RBFOX1: variants seen among roughly 807,000 people sequenced by gnomAD.
RBFOX1 encodes the protein RNA binding fox-1 homolog 1.
Under a neutral mutation model 57.7 loss-of-function variants are expected in RBFOX1, and 8 were observed. The ratio of observed to expected loss-of-function variants is 0.14; its 90% CI spans 0.08 to 0.25. The LOEUF (loss-of-function observed/expected upper bound fraction) is 0.25. RBFOX1 is among the 10% of genes least tolerant of loss of function. The pLI is 1.00. For synonymous variants in RBFOX1, 326 were observed against 222.4 expected (o/e 1.47, Z -4.15); for missense variants, 611 against 548.5 (o/e 1.11, Z -1.14).
intron 5 of RBFOX1, among the ~76,000 whole-genome samples, chr16:7,535,041 G>T (rs2081148690): frequency 6.6e-6 from 1 of 152,092 alleles, no homozygotes; most frequent in African/African-American, 2.4e-5. Context: ...TTATTATTCT[G>T]AGTATAATAG....
chr16:7,624,728 C>T (rs1401775063), intron 10 of RBFOX1, among the ~76,000 whole-genome samples: 1 of 152,172 alleles, frequency 6.6e-6, no homozygotes, highest in Non-Finnish European at 1.5e-5. Context: ...CCTGAGTAAG[C>T]TCCTTTCCTC....
At chr16:7,681,712 T>C (rs188000833) in intron 14 of RBFOX1, among the ~76,000 whole-genome samples, 53 of 152,226 alleles carry the variant, frequency 3.5e-4, no homozygotes, top group African/African-American at 1.1e-3. Context: ...ATGGACATTA[T>C]GTTTTCATTT....
Position 6,599,577 on chromosome 16 carries a change from C to A in RBFOX1, c.-63-55026C>A, listed in dbSNP as rs571408767. Among the ~76,000 whole-genome samples, 5 of 152,256 alleles carry A rather than the reference C, an allele frequency of 3.3e-5. No homozygotes were observed. The South Asian group carries it at 6.2e-4, about 19-fold the overall frequency. On this transcript the variant is annotated intron_variant, in intron 2 of 15. Transcript: ENST00000550418. Reference sequence around the variant, plus strand: ...GTAACAAAACTCCTACCATTTCTTACTTGCAAAAACTTGATTTTCCCCCGT... The same window carrying A: ...GTAACAAAACTCCTACCATTTCTTAATTGCAAAAACTTGATTTTCCCCCGT...
intron 4 of RBFOX1, among the ~76,000 whole-genome samples, chr16:7,280,661 A>G (rs547820436): frequency 3.9e-5 from 6 of 152,312 alleles, no homozygotes; most frequent in Admixed American, 2.0e-4. Flanking sequence ...CTGGCATCCT[A>G]GAACATATTT....
intron 2 of RBFOX1, among the ~76,000 whole-genome samples, chr16:6,631,941 G>T (rs1174005580): frequency 4.6e-5 from 7 of 152,208 alleles, no homozygotes; most frequent in Non-Finnish European, 1.5e-5. Flanking sequence ...GTAGCGAAAT[G>T]GGCAAAGAGC....
chr16:6,770,881 T>G (rs1029603057), intron 3 of RBFOX1, among the ~76,000 whole-genome samples: 13 of 152,178 alleles, frequency 8.5e-5, no homozygotes, highest in Non-Finnish European at 1.5e-4. Flanking sequence ...GCAACACAGT[T>G]GTCAGTGACA....
chr16:5,331,414 A>C (rs868241), intron 1 of RBFOX1, among the ~76,000 whole-genome samples: 2 of 152,160 alleles, frequency 1.3e-5, no homozygotes, highest in Admixed American at 6.5e-5. Flanking sequence ...AGACTCATTC[A>C]TGTGTCTGGA....
rs572430216 is a variant in RBFOX1, at chr16:5,589,590, G to A, written c.259-9312G>A. Among the ~76,000 whole-genome samples the A allele has an allele frequency of 1.4e-4, 21 of 152,306 alleles. No individual in the cohort carries two copies. In the South Asian group the frequency reaches 3.9e-3, roughly 29 times the overall value. Reference sequence around the variant, plus strand: ...CTGTTTAACCCTCACACTATTCTACGTGTTGATGAAGGATCACTACATGAA... The same window carrying A: ...CTGTTTAACCCTCACACTATTCTACATGTTGATGAAGGATCACTACATGAA... On this transcript the variant is annotated intron_variant, in intron 2 of 2. Transcript: ENST00000585867.
chr16:7,650,553 C>T (rs932737901), intron 11 of RBFOX1, among the ~76,000 whole-genome samples: 6 of 150,314 alleles, frequency 4.0e-5, no homozygotes, highest in Non-Finnish European at 8.9e-5. Context: ...ACGCTCTTAA[C>T]AGCACGTGCT....
intron 3 of RBFOX1, among the ~76,000 whole-genome samples, chr16:7,040,333 C>G (rs994199967): frequency 3.9e-5 from 6 of 152,066 alleles, no homozygotes; most frequent in Admixed American, 3.9e-4. Context: ...TATTTTATAG[C>G]CACCATTAAT....
chr16:6,269,263 A>G (rs2074922879), intron 1 of RBFOX1, among the ~76,000 whole-genome samples: 1 of 152,088 alleles, frequency 6.6e-6, no homozygotes, highest in South Asian at 2.1e-4. Context: ...TTTAATTTGT[A>G]TTATTTTTAT....
chr16:6,561,155 A>G (rs1191720781), intron 2 of RBFOX1, among the ~76,000 whole-genome samples: 1 of 152,160 alleles, frequency 6.6e-6, no homozygotes, highest in African/African-American at 2.4e-5. Context: ...ACTAGTCTGG[A>G]AGGCTTCCCT....
At chr16:5,697,987 T>C (rs1350858774) in intron 3 of RBFOX1, among the ~76,000 whole-genome samples, 1 of 152,206 alleles carries the variant, frequency 6.6e-6, no homozygotes, top group Non-Finnish European at 1.5e-5. Flanking sequence ...TCTTCATAAA[T>C]TGTTGTTATA....
At chr16:6,311,513 C>T (rs913169942) in intron 1 of RBFOX1, among the ~76,000 whole-genome samples, 1 of 152,122 alleles carries the variant, frequency 6.6e-6, no homozygotes, top group Non-Finnish European at 1.5e-5. Flanking sequence ...ATGCTGTCCT[C>T]ACTGTGTGAA....
chr16:7,246,968 A>G (rs2094327310), intron 4 of RBFOX1, among the ~76,000 whole-genome samples: 1 of 152,098 alleles, frequency 6.6e-6, no homozygotes, highest in African/African-American at 2.4e-5. Flanking sequence ...ACATTAGGAT[A>G]CCCTATGTAT....
intron 1 of RBFOX1, among the ~76,000 whole-genome samples, chr16:6,213,648 A>G (rs1034120219): frequency 6.6e-6 from 1 of 152,174 alleles, no homozygotes; most frequent in Admixed American, 6.5e-5. Flanking sequence ...CTGTGCTCTT[A>G]TTTCAATGTA....
chr16:7,454,374 C>T (rs2058049403), intron 4 of RBFOX1, among the ~76,000 whole-genome samples: 1 of 152,178 alleles, frequency 6.6e-6, no homozygotes, highest in South Asian at 2.1e-4. Flanking sequence ...GCCAGATTTT[C>T]TTAAAACTGT....
chr16:7,602,379 G>A (rs979299653), intron 9 of RBFOX1, among the ~76,000 whole-genome samples: 1 of 152,156 alleles, frequency 6.6e-6, no homozygotes, highest in African/African-American at 2.4e-5. Context: ...CCTTGTTGTG[G>A]GGCTGGGGGG....
chr16:7,029,233 T>C (rs1202527673), intron 3 of RBFOX1, among the ~76,000 whole-genome samples: 2 of 71,314 alleles, frequency 2.8e-5, no homozygotes, highest in Non-Finnish European at 5.0e-5. Flanking sequence ...CACATATATA[T>C]ACGTATACGT....
Sources: allele counts gnomAD v4.1 joint callset (sites outside exome capture counted in the v4.1 genomes callset), GRCh38; gene constraint gnomAD v4.1.1; transcripts MANE v1.5; gene names NCBI Gene and HGNC (gene_info 2026-07-23, HGNC 2026-07-21).